Variants in ATP2B2 observed in about 807,000 individuals in gnomAD.
ATP2B2 encodes ATPase plasma membrane Ca2+ transporting 2, also known as plasma membrane calcium-transporting ATPase 2.
ATP2B2 carries 15 observed loss-of-function variants against 120.0 expected under a neutral mutation model. The observed-to-expected ratio is 0.12, with a 90% CI of 0.08 to 0.19. The LOEUF (loss-of-function observed/expected upper bound fraction) is 0.19. ATP2B2 is among the 10% of genes least tolerant of loss of function. The probability of loss-of-function intolerance (pLI) is 1.00; values close to 1 mark genes in which losing one functional copy is unlikely to be tolerated. For synonymous variants in ATP2B2, 694 were observed against 700.3 expected, an observed-to-expected ratio of 0.99 and a Z score of 0.14; for missense variants, 1,045 against 1,719.8, an observed-to-expected ratio of 0.61 and a Z score of 6.94.
chr3:10,634,001 A>T (rs2069948455), intron 1 of ATP2B2, among the ~76,000 whole-genome samples: 1 of 151,904 alleles, frequency 6.6e-6, no homozygotes, highest in Non-Finnish European at 1.5e-5. Context: ...GCCCAACCCG[A>T]TCAAGAGAGA....
At chr3:10,688,492 A>G (rs1171054204) in intron 1 of ATP2B2, among the ~76,000 whole-genome samples, 1 of 152,170 alleles carries the variant, frequency 6.6e-6, no homozygotes, top group Non-Finnish European at 1.5e-5. Flanking sequence ...GCTGTTCAAG[A>G]TCAGCAGGGA....
chr3:10,543,088 A>C (rs1400663400), intron 2 of ATP2B2, among the ~76,000 whole-genome samples: 1 of 152,216 alleles, frequency 6.6e-6, no homozygotes, highest in African/African-American at 2.4e-5. Flanking sequence ...CAGTTCAATC[A>C]TTCCTTCCTC....
At chr3:10,592,507 G>A (rs1482777293) in intron 2 of ATP2B2, among the ~76,000 whole-genome samples, 1 of 152,158 alleles carries the variant, frequency 6.6e-6, no homozygotes, top group Admixed American at 6.5e-5. Context: ...GGCCCAGAAT[G>A]TCCTTCTTAT....
chr3:10,358,964 T>A (rs1378507469), intron 13 of ATP2B2, 39 bp from the exon 14 acceptor site: 2 of 1,596,684 alleles, frequency 1.3e-6, no homozygotes, highest in Non-Finnish European at 1.7e-6. Context: ...GCCCAGGGAA[T>A]GCTCCTTCTG....
intron 22 of ATP2B2, among the ~76,000 whole-genome samples, chr3:10,331,373 C>T (rs965694806): frequency 5.9e-5 from 9 of 152,224 alleles, no homozygotes; most frequent in South Asian, 2.1e-4. Context: ...GCCTGGTGCT[C>T]AGTGTGTTCT....
At chr3:10,575,168 C>T (rs1423624848) in intron 2 of ATP2B2, among the ~76,000 whole-genome samples, 1 of 152,150 alleles carries the variant, frequency 6.6e-6, no homozygotes, top group Admixed American at 6.5e-5. Context: ...ATAGGTTCCC[C>T]AACCCCTCCT....
chr3:10,626,597 ATGGAT>A (rs2069707895), intron 1 of ATP2B2: 1 of 135,282 alleles, frequency 7.4e-6, no homozygotes, highest in African/African-American at 2.6e-5. Flanking sequence ...GGATGGATGG[ATGGAT>A]GGATGGGTGG....
At chr3:10,626,114 T>C (rs1330299083) in intron 1 of ATP2B2, 2 of 152,128 alleles carry the variant, frequency 1.3e-5, no homozygotes, top group Non-Finnish European at 2.9e-5. Flanking sequence ...TCTCCAGGTG[T>C]GGAGGGAGGG....
intron 1 of ATP2B2, among the ~76,000 whole-genome samples, chr3:10,639,974 G>A (rs191227815): frequency 3.3e-5 from 5 of 152,230 alleles, no homozygotes; most frequent in African/African-American, 9.6e-5. Context: ...AGAGGGGGCC[G>A]TACATCCAGG....
chr3:10,482,865 T>C (rs2125325661), intron 1 of ATP2B2, among the ~76,000 whole-genome samples: 1 of 152,386 alleles, frequency 6.6e-6, no homozygotes, highest in South Asian at 2.1e-4. Flanking sequence ...TGAACATGCC[T>C]GTGCATGAGG....
At chr3:10,539,696 C>T (rs6808140) in intron 2 of ATP2B2, among the ~76,000 whole-genome samples, 82,578 of 152,044 alleles carry the variant, frequency 0.54, 23,093 homozygotes, top group East Asian at 0.91. Context: ...CCCTTCCTTA[C>T]ACCTTATACA....
intron 2 of ATP2B2, among the ~76,000 whole-genome samples, chr3:10,445,597 A>C (rs980389761): frequency 4.6e-5 from 7 of 152,188 alleles, no homozygotes; most frequent in Non-Finnish European, 8.8e-5. Flanking sequence ...TGGGAGCCAC[A>C]CCCTGAGCTG....
chr3:10,658,585 G>A (rs1297879023), intron 1 of ATP2B2, among the ~76,000 whole-genome samples: 2 of 152,286 alleles, frequency 1.3e-5, no homozygotes, highest in East Asian at 3.9e-4. Flanking sequence ...CAAGAAATAT[G>A]GGACTATGTG....
intron 2 of ATP2B2, among the ~76,000 whole-genome samples, chr3:10,593,406 A>G (rs779883305): frequency 2.0e-5 from 3 of 152,156 alleles, no homozygotes; most frequent in Non-Finnish European, 4.4e-5. Flanking sequence ...CATTACCAAT[A>G]CCCCGGCCTA....
At chr3:10,337,537 G>A (rs1014662332) in intron 22 of ATP2B2, among the ~76,000 whole-genome samples, 2 of 152,164 alleles carry the variant, frequency 1.3e-5, no homozygotes, top group Non-Finnish European at 2.9e-5. Flanking sequence ...GGTGTGTCGT[G>A]TGCCACGTGG....
intron 1 of ATP2B2, among the ~76,000 whole-genome samples, chr3:10,487,275 C>G (rs995802892): frequency 5.9e-5 from 9 of 152,110 alleles, no homozygotes; most frequent in South Asian, 2.1e-4. Flanking sequence ...TACAGAGAGA[C>G]ACACACACAC....
At chr3:10,452,982 C>A (rs1415634940) in intron 1 of ATP2B2, among the ~76,000 whole-genome samples, 1 of 152,222 alleles carries the variant, frequency 6.6e-6, no homozygotes, top group Non-Finnish European at 1.5e-5. Flanking sequence ...CACCTGGATT[C>A]TCTGTCTTAG....
intron 1 of ATP2B2, among the ~76,000 whole-genome samples, chr3:10,495,484 G>A (rs770455326): frequency 7.9e-5 from 12 of 152,194 alleles, no homozygotes; most frequent in Non-Finnish European, 1.6e-4. Flanking sequence ...TTTTGCACAC[G>A]GAGCCCCTAG....
In ATP2B2 at chr3:10,480,156, G is replaced by A. The variant is rs183346362; in HGVS notation, c.-320+25309C>T. 3.2e-3 allele frequency among the ~76,000 whole-genome samples: 483 copies of A among 152,312 alleles called. 3 individuals carry two copies. Among genetic ancestry groups the A allele is most frequent in the African/African-American group, 0.011 (471 of 41,572 alleles). On this transcript the variant is annotated intron_variant, in intron 1 of 22. Coordinates refer to ENST00000360273, the MANE Select transcript of ATP2B2 (RefSeq NM_001001331.4). ...TCCCTTGGAACTATAACGTTCTCCA[G>A]GGGGAAGGGTGTATTCACTTTCTAT...
Sources: allele counts gnomAD v4.1 joint callset (sites outside exome capture counted in the v4.1 genomes callset), GRCh38; gene constraint gnomAD v4.1.1; transcripts MANE v1.5; gene names NCBI Gene and HGNC (gene_info 2026-07-23, HGNC 2026-07-21).